Variants in MYO16 observed in about 807,000 individuals in gnomAD.
MYO16 encodes the protein myosin XVI.
In MYO16, 94 loss-of-function variants were observed where a neutral mutation model predicts 205.3. The observed-to-expected ratio is 0.46, with a 90% CI of 0.39 to 0.54. The LOEUF is 0.54. Ranked by LOEUF, MYO16 falls within the 20% of genes least tolerant of loss-of-function variation. The pLI, the probability that MYO16 is intolerant of heterozygous loss-of-function variation, is 0.00. For missense variants in MYO16, 2,315 were observed against 2,387.5 expected, an observed-to-expected ratio of 0.97 and a Z score of 0.63; for synonymous variants, 988 against 954.0, an observed-to-expected ratio of 1.04 and a Z score of -0.66.
chr13:108,839,916 C>G (rs536754840), intron 9 of MYO16, among the ~76,000 whole-genome samples: 1 of 152,334 alleles, frequency 6.6e-6, no homozygotes, highest in South Asian at 2.1e-4. Flanking sequence ...AGAAGCATGA[C>G]AGTTCTAGAC....
chr13:108,846,685 A>G (rs1031782003), intron 10 of MYO16, among the ~76,000 whole-genome samples: 2 of 152,038 alleles, frequency 1.3e-5, no homozygotes, highest in Non-Finnish European at 2.9e-5. Context: ...TTAATTTGTT[A>G]TTAAGAATGG....
At chr13:108,784,609 ACT>A (rs1886403238) in intron 4 of MYO16, among the ~76,000 whole-genome samples, 1 of 152,066 alleles carries the variant, frequency 6.6e-6, no homozygotes, top group Admixed American at 6.6e-5. Context: ...AATAGAAAAA[ACT>A]CTAAATATTA....
chr13:108,495,957 C>G, the MYO16 span, among the ~76,000 whole-genome samples: 1 of 151,984 alleles, frequency 6.6e-6, no homozygotes, highest in African/African-American at 2.4e-5. Context: ...GCGCGCGGTC[C>G]AAGCGCGGGG....
chr13:108,743,453 A>C (rs968022439), intron 4 of MYO16, among the ~76,000 whole-genome samples: 7 of 152,252 alleles, frequency 4.6e-5, no homozygotes, highest in Non-Finnish European at 1.0e-4. Flanking sequence ...TTACCATTAC[A>C]TACAATGAGG....
chr13:108,939,211 C>CT (rs1319063433), intron 16 of MYO16, among the ~76,000 whole-genome samples: 2 of 152,194 alleles, frequency 1.3e-5, no homozygotes, highest in Non-Finnish European at 2.9e-5. Context: ...TGGGGAATGT[C>CT]TGAGTTTTTC....
intron 4 of MYO16, among the ~76,000 whole-genome samples, chr13:108,752,592 GA>G (rs1303313697): frequency 6.6e-6 from 1 of 151,720 alleles, no homozygotes; most frequent in Non-Finnish European, 1.5e-5. Context: ...TATGAGACTG[GA>G]GATTTCCTTT....
At chr13:108,579,907 C>T in the MYO16 span, among the ~76,000 whole-genome samples, 1 of 152,132 alleles carries the variant, frequency 6.6e-6, no homozygotes, top group Non-Finnish European at 1.5e-5. Context: ...ACAATGACTG[C>T]TATTTGTTAA....
chr13:108,550,856 C>T, the MYO16 span, among the ~76,000 whole-genome samples: 47 of 152,192 alleles, frequency 3.1e-4, no homozygotes, highest in South Asian at 1.5e-3. Flanking sequence ...GTAACTTGCT[C>T]CTTGACAGTG....
intron 3 of MYO16, among the ~76,000 whole-genome samples, chr13:108,715,628 A>T (rs1399847999): frequency 6.6e-6 from 1 of 152,170 alleles, no homozygotes; most frequent in Non-Finnish European, 1.5e-5. Flanking sequence ...TGTGATAGAT[A>T]TTGGGGTGAA....
At chr13:109,031,879 C>T (rs1456255972) in intron 23 of MYO16, among the ~76,000 whole-genome samples, 1 of 152,136 alleles carries the variant, frequency 6.6e-6, no homozygotes, top group African/African-American at 2.4e-5. Context: ...GAACTGTAAT[C>T]GTCAAAACAA....
intron 20 of MYO16, among the ~76,000 whole-genome samples, chr13:108,987,317 G>A (rs1286488400): frequency 6.6e-6 from 1 of 152,120 alleles, no homozygotes; most frequent in Non-Finnish European, 1.5e-5. Flanking sequence ...GAAGTCTCAA[G>A]TACTTTCTTC....
intron 1 of MYO16, among the ~76,000 whole-genome samples, chr13:108,645,422 A>ATG (rs1188450363): frequency 2.6e-5 from 4 of 152,108 alleles, no homozygotes; most frequent in Non-Finnish European, 5.9e-5. Flanking sequence ...TAAGTTTGGT[A>ATG]TGTACGCTGT....
chr13:108,733,408 G>A (rs535840572), intron 4 of MYO16, among the ~76,000 whole-genome samples: 1 of 152,280 alleles, frequency 6.6e-6, no homozygotes. Context: ...ACTGATTCAA[G>A]AACGAGGCAA....
At chr13:109,035,085 C>T (rs991174449) in intron 23 of MYO16, among the ~76,000 whole-genome samples, 6 of 152,126 alleles carry the variant, frequency 3.9e-5, no homozygotes, top group Admixed American at 1.3e-4. Context: ...TACTTTACCA[C>T]GCTCTCATTT....
chr13:108,789,002 T>C (rs991578385), intron 5 of MYO16, among the ~76,000 whole-genome samples: 1 of 152,184 alleles, frequency 6.6e-6, no homozygotes, highest in Non-Finnish European at 1.5e-5. Context: ...CTGGGTTGTC[T>C]CACCCTTTTG....
intron 5 of MYO16, among the ~76,000 whole-genome samples, chr13:108,788,099 T>C (rs966426709): frequency 1.3e-5 from 2 of 152,118 alleles, no homozygotes; most frequent in African/African-American, 2.4e-5. Flanking sequence ...TATAACCAGG[T>C]GGTTGCAATC....
chr13:108,734,109 T>C (rs1254016724), intron 4 of MYO16, among the ~76,000 whole-genome samples: 2 of 152,196 alleles, frequency 1.3e-5, no homozygotes, highest in African/African-American at 4.8e-5. Flanking sequence ...TTCAAATCTC[T>C]GGTCATGATA....
At chr13:108,770,285 G>A (rs1885918748) in intron 4 of MYO16, among the ~76,000 whole-genome samples, 1 of 151,998 alleles carries the variant, frequency 6.6e-6, no homozygotes, top group Admixed American at 6.6e-5. Flanking sequence ...CCTTTGGAGA[G>A]ATTAGAAATT....
upstream of MYO16, chr13:108,629,463 C>A (rs1879873734): frequency 5.5e-6 from 1 of 181,886 alleles, no homozygotes; most frequent in Non-Finnish European, 1.1e-5. Flanking sequence ...ATTGAAAAGC[C>A]ATTAACAGGC....
Sources: gnomAD v4.1 joint callset for allele counts (sites outside exome capture counted in the v4.1 genomes callset) on GRCh38, gnomAD v4.1.1 for gene constraint, MANE v1.5 for transcripts, NCBI Gene and HGNC (gene_info 2026-07-23, HGNC 2026-07-21) for gene names.